The following CNTN5 variants were observed in gnomAD, a reference collection of about 807,000 sequenced individuals.
CNTN5 encodes contactin 5, also known as contactin-5.
Under a neutral mutation model 129.1 loss-of-function variants are expected in CNTN5, and 77 were observed. That is an observed-to-expected ratio of 0.60 (90% CI 0.50 to 0.72). The LOEUF (loss-of-function observed/expected upper bound fraction) is 0.72. CNTN5 is among the 30% of genes least tolerant of loss of function. The pLI, the probability that CNTN5 is intolerant of heterozygous loss-of-function variation, is 0.00. For missense variants in CNTN5, 1,478 were observed against 1,328.8 expected (o/e 1.11, Z -1.75); for synonymous variants, 509 against 465.6 (o/e 1.09, Z -1.20).
intron 13 of CNTN5, among the ~76,000 whole-genome samples, chr11:100,103,570 A>G (rs557105124): frequency 3.7e-4 from 56 of 152,232 alleles, no homozygotes; most frequent in African/African-American, 1.3e-3. Context: ...TTGAAATCTC[A>G]TTTTTAATAA....
chr11:99,380,437 T>C (rs1372080019), intron 2 of CNTN5, among the ~76,000 whole-genome samples: 1 of 152,146 alleles, frequency 6.6e-6, no homozygotes, highest in East Asian at 1.9e-4. Flanking sequence ...GTTTCTACTA[T>C]TAACTTAAAC....
chr11:100,239,467 A>G (rs1949691125), intron 16 of CNTN5, among the ~76,000 whole-genome samples: 1 of 152,142 alleles, frequency 6.6e-6, no homozygotes, highest in Non-Finnish European at 1.5e-5. Context: ...TTATTATAAA[A>G]TGGAGCTAAA....
At chr11:100,002,359 TAAAA>T (rs199636213) in intron 9 of CNTN5, among the ~76,000 whole-genome samples, 1 of 152,052 alleles carries the variant, frequency 6.6e-6, no homozygotes, top group Non-Finnish European at 1.5e-5. Context: ...TATTTTAACA[TAAAA>T]AAACTTCTTT....
intron 21 of CNTN5, among the ~76,000 whole-genome samples, chr11:100,311,527 T>C (rs1265793862): frequency 1.1e-4 from 16 of 152,012 alleles, no homozygotes; most frequent in Non-Finnish European, 1.8e-4. Flanking sequence ...ATATACCAGC[T>C]AAGATCACTG....
At chr11:99,775,746 AATG>A (rs1945102543) in intron 3 of CNTN5, among the ~76,000 whole-genome samples, 1 of 151,978 alleles carries the variant, frequency 6.6e-6, no homozygotes, top group Non-Finnish European at 1.5e-5. Context: ...TTATGATAAT[AATG>A]CTAAGCATTA....
chr11:99,261,029 C>T (rs1862602718), intron 1 of CNTN5, among the ~76,000 whole-genome samples: 1 of 151,800 alleles, frequency 6.6e-6, no homozygotes, highest in Admixed American at 6.6e-5. Context: ...GAATGATCCC[C>T]TTTTTCAATT....
chr11:99,139,781 A>G (rs4237596), intron 1 of CNTN5, among the ~76,000 whole-genome samples: 138,273 of 152,192 alleles, frequency 0.91, 63,068 homozygotes, highest in East Asian at 0.99. Flanking sequence ...AACAGAATGA[A>G]TGATCTTTTA....
chr11:99,725,913 TC>T (rs2135059272), intron 3 of CNTN5, among the ~76,000 whole-genome samples: 1 of 152,298 alleles, frequency 6.6e-6, no homozygotes, highest in African/African-American at 2.4e-5. Flanking sequence ...ATTCTCCAAA[TC>T]CTCTCCATTA....
At chr11:99,654,060 G>A (rs1411870074) in intron 3 of CNTN5, among the ~76,000 whole-genome samples, 2 of 151,998 alleles carry the variant, frequency 1.3e-5, no homozygotes, top group African/African-American at 2.4e-5. Context: ...ACCCTTCAGT[G>A]ATGATAAATA....
chr11:99,216,849 G>A (rs1860150102), intron 1 of CNTN5, among the ~76,000 whole-genome samples: 1 of 152,018 alleles, frequency 6.6e-6, no homozygotes, highest in Non-Finnish European at 1.5e-5. Flanking sequence ...CACAGAGAGG[G>A]AGAAAATATT....
intron 16 of CNTN5, among the ~76,000 whole-genome samples, chr11:100,246,038 G>A (rs1949833726): frequency 6.6e-6 from 1 of 151,968 alleles, no homozygotes; most frequent in South Asian, 2.1e-4. Flanking sequence ...ATATTCCAAT[G>A]ATAGTACATT....
chr11:99,110,484 G>T (rs1857738723), intron 1 of CNTN5, among the ~76,000 whole-genome samples: 1 of 152,110 alleles, frequency 6.6e-6, no homozygotes, highest in African/African-American at 2.4e-5. Flanking sequence ...TTGGCCTTGG[G>T]ATGCTAATAG....
At position 99,576,626 on chromosome 11, in the gene CNTN5, T is replaced by C. The variant is rs530807885; in HGVS notation, c.55+20357T>C. 8.1e-4 allele frequency among the ~76,000 whole-genome samples: 123 copies of C among 152,292 alleles called. 3 individuals are homozygous for C. The highest frequency in any genetic ancestry group is 2.8e-3 in the African/African-American group (115 of 41,574). On this transcript the variant is annotated intron_variant, in intron 3 of 24. Coordinates refer to ENST00000524871, the MANE Select transcript of CNTN5 (RefSeq NM_014361.4). ...ATCCATTTGGGCTGCTATAACAAAA[T>C]ACCATAAACTGGGTGGCTTATAAAC...
At chr11:99,230,610 G>C (rs1209462816) in intron 1 of CNTN5, among the ~76,000 whole-genome samples, 1 of 152,088 alleles carries the variant, frequency 6.6e-6, no homozygotes, top group African/African-American at 2.4e-5. Context: ...TTTTGAGACT[G>C]CAATAGCCTA....
intron 3 of CNTN5, among the ~76,000 whole-genome samples, chr11:99,578,721 G>C (rs1341405668): frequency 6.6e-6 from 1 of 151,600 alleles, no homozygotes; most frequent in Non-Finnish European, 1.5e-5. Flanking sequence ...TGTAGATTCT[G>C]GATATTAGCC....
chr11:99,960,509 C>T (rs1950915082), intron 8 of CNTN5, among the ~76,000 whole-genome samples: 1 of 151,972 alleles, frequency 6.6e-6, no homozygotes, highest in Non-Finnish European at 1.5e-5. Context: ...TGATATTTTT[C>T]CAGGTTTTTA....
At chr11:100,142,626 C>T (rs1946731214) in intron 13 of CNTN5, among the ~76,000 whole-genome samples, 1 of 152,142 alleles carries the variant, frequency 6.6e-6, no homozygotes, top group South Asian at 2.1e-4. Context: ...AACACAGCAT[C>T]CTAGGTGTAG....
intron 1 of CNTN5, among the ~76,000 whole-genome samples, chr11:99,298,519 T>G (rs1475038878): frequency 2.0e-5 from 3 of 152,190 alleles, no homozygotes; most frequent in African/African-American, 7.2e-5. Flanking sequence ...GCTATTAAGC[T>G]AGGTTACAGT....
At chr11:99,727,649 C>T (rs1233310538) in intron 3 of CNTN5, among the ~76,000 whole-genome samples, 2 of 151,838 alleles carry the variant, frequency 1.3e-5, no homozygotes, top group African/African-American at 4.8e-5. Flanking sequence ...TTCAAACCTC[C>T]CACCAGAAAA....
Sources: allele counts gnomAD v4.1 joint callset (sites outside exome capture counted in the v4.1 genomes callset), GRCh38; gene constraint gnomAD v4.1.1; transcripts MANE v1.5; gene names NCBI Gene and HGNC (gene_info 2026-07-23, HGNC 2026-07-21).